The following EML6 variants were observed in gnomAD, a reference collection of about 807,000 sequenced individuals.
The protein encoded by EML6 is echinoderm microtubule-associated protein-like 6.
Under a neutral mutation model 240.1 loss-of-function variants are expected in EML6, and 154 were observed. The ratio of observed to expected loss-of-function variants is 0.64; its 90% confidence interval spans 0.56 to 0.73. The LOEUF (loss-of-function observed/expected upper bound fraction) is 0.73. Among genes scored for constraint, EML6 ranks in the 30% least tolerant of loss-of-function variants. The pLI is 0.00. For missense variants in EML6, 2,964 were observed against 2,474.6 expected, an observed-to-expected ratio of 1.20 and a Z score of -4.20; for synonymous variants, 1,148 against 899.0, an observed-to-expected ratio of 1.28 and a Z score of -4.95.
intron 32 of EML6, among the ~76,000 whole-genome samples, chr2:54,957,231 C>T (rs1676270880): frequency 6.6e-6 from 1 of 150,450 alleles, no homozygotes; most frequent in Non-Finnish European, 1.5e-5. Flanking sequence ...AAATAAAACT[C>T]AGGAGACATA....
At position 54,861,769 on chromosome 2, in the gene EML6, G is replaced by T. The variant is rs111834288; in HGVS notation, c.1826-2014G>T. Reference sequence around the variant, plus strand: ...CTGACGAGATAGGGAGAGGTTTTTTGTTTTTTTTTTTTTTTTAATCTAATG... The same window carrying T: ...CTGACGAGATAGGGAGAGGTTTTTTTTTTTTTTTTTTTTTTTAATCTAATG... On this transcript the variant is annotated intron_variant, in intron 12 of 41. Transcript: ENST00000356458. Among the ~76,000 whole-genome samples the T allele has an allele frequency of 7.6e-3, 928 of 121,880 alleles. 5 individuals carry two copies. Among genetic ancestry groups the T allele is most frequent in the African/African-American group, 0.022 (712 of 32,820 alleles). The allele number at this position is 121,880 out of a possible 152,430, so 80.0% of individuals were successfully genotyped here.
At chr2:54,918,983 G>A (rs1444168403) in intron 26 of EML6, among the ~76,000 whole-genome samples, 3 of 152,016 alleles carry the variant, frequency 2.0e-5, no homozygotes, top group Admixed American at 6.6e-5. Context: ...AATATTTTCC[G>A]GAGCCTATTT....
In EML6 at chr2:54,948,820, G is replaced by A. The variant is rs150387730; in HGVS notation, c.4005-62G>A. On this transcript the variant is annotated intron_variant, in intron 28 of 41. Coordinates refer to ENST00000356458, the MANE Select transcript of EML6 (RefSeq NM_001039753.4). Reference sequence around the variant, plus strand: ...GGCACTGGCCTAGACAGGCCACACCGGGAAGGCAGCCTTGCAGCCCTTGTT... The same window carrying A: ...GGCACTGGCCTAGACAGGCCACACCAGGAAGGCAGCCTTGCAGCCCTTGTT... The A allele has an allele frequency of 4.1e-3, 5,504 of 1,350,626 alleles. 21 individuals carry two copies. Among genetic ancestry groups the A allele is most frequent in the Non-Finnish European group, 5.1e-3 (4,896 of 964,954 alleles). 83.7% of individuals were successfully genotyped at this position (1,350,626 alleles called of 1,614,324 possible).
intron 5 of EML6, among the ~76,000 whole-genome samples, chr2:54,821,239 A>G (rs1208014980): frequency 6.6e-6 from 1 of 152,040 alleles, no homozygotes; most frequent in East Asian, 1.9e-4. Flanking sequence ...AACCCCTCCT[A>G]TTTTGCAGTT....
intron 2 of EML6, among the ~76,000 whole-genome samples, chr2:54,801,739 A>G (rs1275893215): frequency 2.6e-5 from 4 of 152,170 alleles, no homozygotes; most frequent in Admixed American, 6.5e-5. Flanking sequence ...ACCTAATGCA[A>G]TTTTTCAAAA....
chr2:54,758,159 T>C (rs998278927), intron 2 of EML6, among the ~76,000 whole-genome samples: 2 of 152,202 alleles, frequency 1.3e-5, no homozygotes, highest in African/African-American at 4.8e-5. Context: ...ATCTTTTTAT[T>C]GATTTTAAAT....
intron 16 of EML6, among the ~76,000 whole-genome samples, chr2:54,875,395 C>A (rs564180319): frequency 1.1e-4 from 16 of 152,218 alleles, no homozygotes; most frequent in East Asian, 3.8e-4. Flanking sequence ...TCAACAGTTA[C>A]GATTTAGCTA....
Position 54,869,202 on chromosome 2 carries a change from A to G in EML6, c.2073A>G (p.Arg691=). ...FIHGYRGYDC[R]NNLFYTQAGE... is the part of the protein sequence containing the mutation. ...TCAGTTATAGAGGCTACGACTGTAGAAACAATCTGTTCTACACACAAGCTG... is the reference window on the plus strand; with the variant it reads ...TCAGTTATAGAGGCTACGACTGTAGGAACAATCTGTTCTACACACAAGCTG... Residue 691 remains arginine, a synonymous_variant, in exon 15 of 42, where the codon AGA becomes AGG. Transcript: ENST00000356458. 1 of 1,551,510 alleles carries G rather than the reference A, an allele frequency of 6.4e-7. No homozygotes were observed. The highest frequency in any genetic ancestry group is 2.4e-5 in the East Asian group (1 of 40,920).
intron 2 of EML6, among the ~76,000 whole-genome samples, chr2:54,812,492 C>T (rs778613465): frequency 1.2e-4 from 18 of 150,486 alleles, no homozygotes; most frequent in Middle Eastern, 3.5e-3. Flanking sequence ...AAAGACACAA[C>T]GCCTATACAC....
rs1488502237 is a variant in EML6, at chr2:54,860,388, T to TA, written c.1825+693dup. Reference sequence around the variant, plus strand: ...CCTGGAGCAGTTCTGAGAAGGAGCTTAAAAAATGCAGCCCAGTTTCTACCT... The same window carrying TA: ...CCTGGAGCAGTTCTGAGAAGGAGCTTAAAAAAATGCAGCCCAGTTTCTACCT... On this transcript the variant is annotated intron_variant, in intron 12 of 41. Transcript: ENST00000356458. Among the ~76,000 whole-genome samples the TA allele has an allele frequency of 4.6e-5, 7 of 152,168 alleles. No individual in the cohort carries two copies. In the East Asian group the frequency reaches 7.7e-4, roughly 17 times the overall value.
chr2:54,932,966 A>C (rs565993356), intron 28 of EML6, among the ~76,000 whole-genome samples: 97 of 152,306 alleles, frequency 6.4e-4, no homozygotes, highest in Non-Finnish European at 1.0e-3. Flanking sequence ...TGGTTTACAC[A>C]CCTAAGTATG....
intron 7 of EML6, among the ~76,000 whole-genome samples, chr2:54,837,620 G>T (rs1331729914): frequency 1.3e-5 from 2 of 152,192 alleles, no homozygotes; most frequent in Non-Finnish European, 2.9e-5. Flanking sequence ...GGTAGAGTTT[G>T]CCAGCATGTG....
chr2:54,911,339 A>G (rs1485671665), intron 25 of EML6, among the ~76,000 whole-genome samples: 1 of 152,076 alleles, frequency 6.6e-6, no homozygotes, highest in Non-Finnish European at 1.5e-5. Flanking sequence ...TTGACATGTC[A>G]TTTTGTGCAA....
intron 7 of EML6, among the ~76,000 whole-genome samples, chr2:54,832,489 G>GC (rs1418238801): frequency 6.6e-6 from 1 of 152,190 alleles, no homozygotes; most frequent in Non-Finnish European, 1.5e-5. Flanking sequence ...GTGGAGGTGT[G>GC]CCCCAAATCC....
At position 54,774,824 on chromosome 2, in the gene EML6, G is replaced by C. The variant is rs1226465127; in HGVS notation, c.198-38408G>C. 1.3e-5 allele frequency among the ~76,000 whole-genome samples: 2 copies of C among 152,174 alleles called. No homozygotes were observed. Among genetic ancestry groups the C allele is most frequent in the African/African-American group, 4.8e-5 (2 of 41,442 alleles). On this transcript the variant is annotated intron_variant, in intron 2 of 41. Coordinates refer to ENST00000356458, the MANE Select transcript of EML6 (RefSeq NM_001039753.4). The surrounding 1 kb of genome is among the most constrained non-coding windows in gnomAD (Gnocchi z 4.1). Reference sequence around the variant, plus strand: ...CTGTGTGGATTGGTCTTTAGTCAATGCTTCTCCTAATGACTTGCATTAGAA... The same window carrying C: ...CTGTGTGGATTGGTCTTTAGTCAATCCTTCTCCTAATGACTTGCATTAGAA...
At chr2:54,810,517 T>A (rs1453091964) in intron 2 of EML6, among the ~76,000 whole-genome samples, 1 of 152,196 alleles carries the variant, frequency 6.6e-6, no homozygotes, top group Non-Finnish European at 1.5e-5. Flanking sequence ...CTCAAGAATC[T>A]AACAAGTATC....
intron 17 of EML6, among the ~76,000 whole-genome samples, chr2:54,888,051 G>A (rs1482683942): frequency 6.6e-6 from 1 of 152,222 alleles, no homozygotes; most frequent in Non-Finnish European, 1.5e-5. Flanking sequence ...TGCCCAAAAA[G>A]CATAGACGCC....
intron 26 of EML6, among the ~76,000 whole-genome samples, chr2:54,923,631 A>AT (rs1674383752): frequency 6.6e-6 from 1 of 152,144 alleles, no homozygotes; most frequent in Non-Finnish European, 1.5e-5. Flanking sequence ...TGCTTATGGT[A>AT]TTTTTTAAGT....
chr2:54,926,520 A>G (rs1209675707), intron 26 of EML6, among the ~76,000 whole-genome samples: 21 of 152,240 alleles, frequency 1.4e-4, no homozygotes, highest in Admixed American at 1.4e-3. Flanking sequence ...AGACCCAGAA[A>G]GGTCATTCAT....
Sources: gnomAD v4.1 joint callset for allele counts (sites outside exome capture counted in the v4.1 genomes callset) on GRCh38, gnomAD v4.1.1 for gene constraint, Gnocchi (gnomAD v3.1) non-coding constraint, MANE v1.5 for transcripts, NCBI Gene and HGNC (gene_info 2026-07-23, HGNC 2026-07-21) for gene names.